Variants in CNTRL observed in about 807,000 individuals in gnomAD.
CNTRL encodes the protein centriolin, also known as 110 kDa centrosomal protein.
CNTRL carries 233 observed loss-of-function variants against 303.7 expected under a neutral mutation model. The observed-to-expected ratio is 0.77, with a 90% confidence interval of 0.69 to 0.86. CNTRL has a LOEUF of 0.86. Ranked by LOEUF, CNTRL falls within the 40% of genes least tolerant of loss-of-function variation. CNTRL has a pLI of 0.00. For missense variants in CNTRL, 2,524 were observed against 2,650.6 expected (o/e 0.95, Z 1.05); for synonymous variants, 900 against 922.2 (o/e 0.98, Z 0.44).
At chr9:121,146,388 T>C (rs1321972627) in intron 23 of CNTRL, 132 bp downstream of exon 23, 2 of 878,486 alleles carry the variant, frequency 2.3e-6, no homozygotes, top group Non-Finnish European at 3.3e-6. Flanking sequence ...TGAGGTTCTG[T>C]AGCGTTTTTA....
At chr9:121,137,341 C>T (rs1258176290) in intron 15 of CNTRL, among the ~76,000 whole-genome samples, 4 of 152,116 alleles carry the variant, frequency 2.6e-5, no homozygotes, top group African/African-American at 9.7e-5. Flanking sequence ...TTTAGATGCT[C>T]CTAGATGATC....
At chr9:121,104,525 AAAAAG>A (rs1444978314) in intron 7 of CNTRL, among the ~76,000 whole-genome samples, 2 of 152,124 alleles carry the variant, frequency 1.3e-5, no homozygotes, top group Non-Finnish European at 1.5e-5. Context: ...TATAATTAAA[AAAAAG>A]AAAAGTAAAA....
At chr9:121,136,096 G>A (rs936043013) in intron 15 of CNTRL, 114 bp downstream of exon 15, 2 of 963,654 alleles carry the variant, frequency 2.1e-6, no homozygotes, top group African/African-American at 3.3e-5. Flanking sequence ...CAATATATAT[G>A]GAGTGATGGG....
intron 7 of CNTRL, among the ~76,000 whole-genome samples, chr9:121,106,841 ATATT>A (rs1157829025): frequency 6.6e-6 from 1 of 152,190 alleles, no homozygotes; most frequent in Non-Finnish European, 1.5e-5. Flanking sequence ...ATCATTAAAA[ATATT>A]AATAATGCAA....
intron 34 of CNTRL, among the ~76,000 whole-genome samples, chr9:121,162,713 A>G (rs926369317): frequency 7.9e-5 from 12 of 152,186 alleles, no homozygotes; most frequent in African/African-American, 2.9e-4. Flanking sequence ...AATTTATACA[A>G]TTTTTTAGGT....
At chr9:121,146,735 A>G (rs1440374028) in intron 23 of CNTRL, among the ~76,000 whole-genome samples, 1 of 152,206 alleles carries the variant, frequency 6.6e-6, no homozygotes, top group East Asian at 1.9e-4. Flanking sequence ...TGACATACCT[A>G]TGACAACAGA....
intron 19 of CNTRL, 72 bp from the exon 20 acceptor site, chr9:121,143,831 T>C (rs1354098623): frequency 8.0e-7 from 1 of 1,246,118 alleles, no homozygotes; most frequent in Non-Finnish European, 1.1e-6. Flanking sequence ...GTCCCTACCC[T>C]CCTGGAGCTT....
rs140826381 is a variant in CNTRL, at chr9:121,125,879, C to G, written c.1968C>G (p.Val656=). ...CATTGTTGCAGAGATTGACAGAAGT[C>G]GAGCAGGAGAGAGACCAGCTGGAAA... ...KETLLQRLTE[V]EQERDQLEIV... The change falls in exon 14 of 44, where the codon GTC becomes GTG. Residue 656 remains valine (V), a synonymous_variant. Coordinates refer to ENST00000373855, the MANE Select transcript of CNTRL (RefSeq NM_007018.6). The G allele has an allele frequency of 1.4e-5, 22 of 1,614,076 alleles. No individual in the cohort carries two copies. Among genetic ancestry groups the G allele is most frequent in the South Asian group, 5.5e-5 (5 of 91,064 alleles).
In CNTRL at chr9:121,115,200, G is replaced by A. The variant is rs200058562; in HGVS notation, c.1455G>A (p.Lys485=). 18 of 1,528,328 alleles carry A rather than the reference G, an allele frequency of 1.2e-5. No homozygotes were observed. The highest frequency in any genetic ancestry group is 3.4e-4 in the Middle Eastern group (2 of 5,886). 94.7% of individuals were successfully genotyped at this position (1,528,328 alleles called of 1,614,324 possible). A position where few individuals can be genotyped will look rare whatever the true frequency, so the allele number is the denominator to read the frequency against. Residue 485 remains lysine (K), a splice_region_variant and synonymous_variant, in exon 11 of 44, where the codon AAG becomes AAA. Transcript: ENST00000373855. ...TGGAAGAAGCTATACAACTAAAAAA[G>A]GTATGTAAAAGCAAAGCAGCAATGC... ...KQLEEAIQLK[K]ISEAGKDLLY...
At chr9:121,085,947 A>G (rs115937182) in intron 2 of CNTRL, among the ~76,000 whole-genome samples, 263 of 152,268 alleles carry the variant, frequency 1.7e-3, no homozygotes, top group African/African-American at 5.9e-3. Context: ...TGTTTTTATT[A>G]TATAAGTGGG....
chr9:121,118,248 G>T, intron 11 of CNTRL, 98 bp from the exon 12 acceptor site: 1 of 968,232 alleles, frequency 1.0e-6, no homozygotes, highest in Admixed American at 2.9e-5. Context: ...TTAAAAAACT[G>T]ATAGAATATA....
At chr9:121,148,284 GA>G (rs1017553530) in intron 23 of CNTRL, among the ~76,000 whole-genome samples, 9 of 152,178 alleles carry the variant, frequency 5.9e-5, no homozygotes, top group Admixed American at 5.2e-4. Flanking sequence ...CAAAAGAGAG[GA>G]TAGGAGATGG....
chr9:121,150,779 A>G (rs41273414), intron 25 of CNTRL: 4 of 328,726 alleles, frequency 1.2e-5, no homozygotes, highest in Non-Finnish European at 1.7e-5. Context: ...CAAAAATACC[A>G]TGTACAGGAG....
At chr9:121,136,296 C>T (rs1001700745) in intron 15 of CNTRL, among the ~76,000 whole-genome samples, 2 of 152,032 alleles carry the variant, frequency 1.3e-5, no homozygotes, top group Non-Finnish European at 2.9e-5. Flanking sequence ...CTAGTTTTTC[C>T]TTCTTAGAAC....
intron 14 of CNTRL, among the ~76,000 whole-genome samples, chr9:121,135,123 C>CA (rs1333291545): frequency 1.3e-5 from 2 of 152,278 alleles, no homozygotes; most frequent in East Asian, 3.9e-4. Flanking sequence ...TCACAAAACA[C>CA]AAATGGACTA....
intron 5 of CNTRL, among the ~76,000 whole-genome samples, 175 bp downstream of exon 5, chr9:121,095,193 ATG>A: frequency 6.6e-6 from 1 of 152,164 alleles, no homozygotes; most frequent in South Asian, 2.1e-4. Context: ...AACTGTCTTT[ATG>A]TTTTGGCATT....
chr9:121,105,251 A>G (rs1326951835), intron 7 of CNTRL, among the ~76,000 whole-genome samples: 1 of 152,210 alleles, frequency 6.6e-6, no homozygotes, highest in Non-Finnish European at 1.5e-5. Flanking sequence ...TGTAGTTAAC[A>G]TGCTGGATGT....
In CNTRL at chr9:121,088,385, A is replaced by T. The variant is rs1285745996; in HGVS notation, c.59A>T (p.His20Leu). Residue 20 changes from histidine to leucine, a missense_variant, in exon 3 of 44, where the codon CAC (histidine) becomes CTC (leucine). His to Leu is a moderately conservative substitution (Grantham distance 99). Transcript: ENST00000373855. ...AAAGCAAAGATACCATCATCATCTC[A>T]CTCTCCTATCCCATCATCTATGTCC... ...FSKAKIPSSS[H>L]SPIPSSMSNM... 9 of 1,612,470 alleles carry T rather than the reference A, an allele frequency of 5.6e-6. No homozygotes were observed. In the South Asian group the frequency reaches 8.8e-5, roughly 16 times the overall value.
At chr9:121,090,252 A>G (rs887980364) in intron 3 of CNTRL, 23 bp from the exon 4 acceptor site, 3 of 1,576,864 alleles carry the variant, frequency 1.9e-6, no homozygotes, top group South Asian at 2.4e-5. Context: ...TCTACTGATG[A>G]TGATCTGTTT....
Sources: allele counts gnomAD v4.1 joint callset (sites outside exome capture counted in the v4.1 genomes callset), GRCh38; gene constraint gnomAD v4.1.1; transcripts MANE v1.5; gene names NCBI Gene and HGNC (gene_info 2026-07-23, HGNC 2026-07-21).